SORT1: variants seen among roughly 807,000 people sequenced by gnomAD.
SORT1 encodes sortilin.
A neutral mutation model predicts 101.7 loss-of-function variants in SORT1; 39 were observed. The ratio of observed to expected loss-of-function variants is 0.38; its 90% CI spans 0.30 to 0.50. SORT1 has a LOEUF of 0.50. Ranked by LOEUF, SORT1 falls within the 20% of genes least tolerant of loss-of-function variation. The probability of loss-of-function intolerance (pLI) is 0.90; values close to 1 mark genes in which losing one functional copy is unlikely to be tolerated. For missense variants in SORT1, 878 were observed against 1,040.4 expected, an observed-to-expected ratio of 0.84 and a Z score of 2.15; for synonymous variants, 396 against 393.7, an observed-to-expected ratio of 1.01 and a Z score of -0.07.
Position 109,367,319 on chromosome 1 carries a change from C to T in SORT1, c.440+89G>A, listed in dbSNP as rs1651158888. 1.1e-5 allele frequency: 8 copies of T among 724,984 alleles called. No individual in the cohort carries two copies. The South Asian group carries it at 1.4e-4, about 13-fold the overall frequency. 44.9% of individuals were successfully genotyped at this position (724,984 alleles called of 1,614,324 possible). A position where few individuals can be genotyped will look rare whatever the true frequency, so the allele number is the denominator to read the frequency against. ...ATGGCTAGAAGATCTTTTACATCAACTGTTACGTGCCATCATGTCTAGAAA... is the reference window on the plus strand; with the variant it reads ...ATGGCTAGAAGATCTTTTACATCAATTGTTACGTGCCATCATGTCTAGAAA... On this transcript the variant is annotated intron_variant, in intron 3 of 19. Transcript: ENST00000256637.
intron 11 of SORT1, among the ~76,000 whole-genome samples, chr1:109,335,428 C>A (rs115260952): frequency 2.6e-5 from 4 of 152,086 alleles, no homozygotes; most frequent in Non-Finnish European, 5.9e-5. Flanking sequence ...ACAGTGCTTG[C>A]GAGTGTAAAG....
At chr1:109,340,623 G>T in intron 10 of SORT1, 101 bp downstream of exon 10, 1 of 1,197,720 alleles carries the variant, frequency 8.3e-7, no homozygotes, top group Non-Finnish European at 1.2e-6. Context: ...TAGGCTTGTT[G>T]GCTTGGCAAG....
chr1:109,329,942 G>C (rs1648347110), intron 11 of SORT1, among the ~76,000 whole-genome samples: 1 of 152,204 alleles, frequency 6.6e-6, no homozygotes, highest in Non-Finnish European at 1.5e-5. Context: ...CTCCAGGATA[G>C]TGCATATGTT....
chr1:109,354,217 G>GA (rs546644564), intron 5 of SORT1, 150 bp downstream of exon 5: 237 of 565,906 alleles, frequency 4.2e-4, no homozygotes, highest in Non-Finnish European at 6.3e-4. Flanking sequence ...TACCAAATAG[G>GA]AAAAAACGTC....
intron 8 of SORT1, among the ~76,000 whole-genome samples, 165 bp downstream of exon 8, chr1:109,345,585 CT>C (rs1011150720): frequency 6.6e-6 from 1 of 151,684 alleles, no homozygotes; most frequent in Non-Finnish European, 1.5e-5. Flanking sequence ...GCAGAGTAGC[CT>C]ATCAGTCAAT....
chr1:109,314,116 T>C (rs979829434), intron 19 of SORT1, 59 bp from the exon 20 acceptor site: 1 of 1,610,390 alleles, frequency 6.2e-7, no homozygotes, highest in Non-Finnish European at 8.5e-7. Flanking sequence ...TCAAAAGCAA[T>C]CACCTAGTTT....
intron 15 of SORT1, among the ~76,000 whole-genome samples, chr1:109,319,006 G>A (rs1647439061): frequency 1.3e-5 from 2 of 152,108 alleles, no homozygotes; most frequent in African/African-American, 4.8e-5. Context: ...TCAAACTCCT[G>A]AGCTCAAGAG....
chr1:109,369,674 T>A, intron 1 of SORT1, 85 bp from the exon 2 acceptor site: 1 of 895,954 alleles, frequency 1.1e-6, no homozygotes, highest in South Asian at 1.4e-5. Flanking sequence ...ACTTTATTAC[T>A]GTTCAGAGTA....
chr1:109,391,070 T>A (rs1012744061), intron 1 of SORT1, among the ~76,000 whole-genome samples: 1 of 152,128 alleles, frequency 6.6e-6, no homozygotes, highest in African/African-American at 2.4e-5. Context: ...AAAAATGAAT[T>A]TACTGCTATC....
intron 8 of SORT1, among the ~76,000 whole-genome samples, chr1:109,344,165 C>G (rs949204473): frequency 6.6e-6 from 1 of 152,214 alleles, no homozygotes; most frequent in African/African-American, 2.4e-5. Flanking sequence ...TGCCCCCTTA[C>G]CCACTGCCAA....
intron 3 of SORT1, among the ~76,000 whole-genome samples, chr1:109,355,928 T>G (rs1054103629): frequency 2.0e-5 from 3 of 151,674 alleles, no homozygotes; most frequent in African/African-American, 7.3e-5. Flanking sequence ...CAGGCTGGAG[T>G]GCAGTGATGC....
At chr1:109,348,397 A>C (rs547520369) in intron 6 of SORT1, among the ~76,000 whole-genome samples, 8 of 151,988 alleles carry the variant, frequency 5.3e-5, no homozygotes, top group African/African-American at 1.4e-4. Flanking sequence ...CACTAAACAA[A>C]AAAAAAAAAA....
chr1:109,314,268 G>A lies in SORT1; in HGVS notation c.2474C>T (p.Ser825Leu). 3 of 1,612,708 alleles carry A rather than the reference G, an allele frequency of 1.9e-6. No individual in the cohort carries two copies. Among genetic ancestry groups the A allele is most frequent in the Non-Finnish European group, 2.5e-6 (3 of 1,179,298 alleles). The change falls in exon 19 of 20, where the codon TCA (serine) becomes TTA (leucine). Residue 825 changes from serine (S) to leucine (L), a missense_variant. Physicochemically the swap from Ser to Leu is moderately radical, Grantham distance 145. This residue lies in a region of SORT1 where 684 missense variants were observed against 894.5 expected (regional missense o/e 0.76). Transcript: ENST00000256637. ...AAGAAGAAATAGCCTCACCTCATCTGAGTCATCATGATAACCACTTTTATT... is the reference window on the plus strand; with the variant it reads ...AAGAAGAAATAGCCTCACCTCATCTAAGTCATCATGATAACCACTTTTATT... ...HTNKSGYHDD[S>L]DEDLLE
intron 7 of SORT1, among the ~76,000 whole-genome samples, chr1:109,346,494 C>T (rs1164159768): frequency 6.6e-6 from 1 of 151,788 alleles, no homozygotes; most frequent in African/African-American, 2.4e-5. Context: ...GCCTGTAATC[C>T]CAGCACTTTG....
chr1:109,344,056 G>A (rs1024320079), intron 8 of SORT1, among the ~76,000 whole-genome samples: 6 of 152,078 alleles, frequency 3.9e-5, no homozygotes, highest in Non-Finnish European at 7.4e-5. Context: ...GACTCTTAAA[G>A]GTACCCTTGA....
intron 1 of SORT1, among the ~76,000 whole-genome samples, chr1:109,385,092 C>A (rs991901686): frequency 2.6e-5 from 4 of 151,964 alleles, no homozygotes; most frequent in African/African-American, 9.7e-5. Flanking sequence ...ACAACAACAA[C>A]AACAAAAAGA....
At chr1:109,331,971 A>G (rs1648487360) in intron 11 of SORT1, among the ~76,000 whole-genome samples, 1 of 151,586 alleles carries the variant, frequency 6.6e-6, no homozygotes, top group Admixed American at 6.6e-5. Context: ...AAACTTAGGG[A>G]TAAATTTAAC....
chr1:109,316,764 A>G, intron 17 of SORT1, 86 bp downstream of exon 17: 1 of 888,208 alleles, frequency 1.1e-6, no homozygotes, highest in Non-Finnish European at 1.8e-6. Context: ...TATCAGTAAC[A>G]AAACTCTTGA....
chr1:109,388,229 C>T (rs1307921793), intron 1 of SORT1, among the ~76,000 whole-genome samples: 1 of 151,938 alleles, frequency 6.6e-6, no homozygotes, highest in South Asian at 2.1e-4. Flanking sequence ...CACTACCTAC[C>T]CCTAATAAAT....
Sources: allele counts gnomAD v4.1 joint callset (sites outside exome capture counted in the v4.1 genomes callset), GRCh38; gene constraint gnomAD v4.1.1; regional missense constraint gnomAD v4.1.1; transcripts MANE v1.5; gene names NCBI Gene and HGNC (gene_info 2026-07-23, HGNC 2026-07-21).